Variants in MSANTD4 observed in about 807,000 individuals in gnomAD.
MSANTD4 encodes the protein Myb/SANT DNA binding domain containing 4 with coiled-coils.
A neutral mutation model predicts 34.3 loss-of-function variants in MSANTD4; 13 were observed. That is an observed-to-expected ratio of 0.38 (90% CI 0.25 to 0.60). The LOEUF (loss-of-function observed/expected upper bound fraction) is 0.60, where lower values mean the gene tolerates loss of function less well. MSANTD4 is among the 20% of genes least tolerant of loss of function. The pLI, the probability that MSANTD4 is intolerant of heterozygous loss-of-function variation, is 0.63. For missense variants in MSANTD4, 358 were observed against 401.8 expected (o/e 0.89, Z 0.93); for synonymous variants, 137 against 145.2 (o/e 0.94, Z 0.41).
At chr11:106,016,540 A>T (rs1406710235) in intron 1 of MSANTD4, among the ~76,000 whole-genome samples, 2 of 152,206 alleles carry the variant, frequency 1.3e-5, no homozygotes, top group Non-Finnish European at 2.9e-5. Flanking sequence ...AGGAGGAGGT[A>T]AAAATATGAA....
Position 106,009,878 on chromosome 11 carries a change from C to T in MSANTD4, c.695G>A (p.Arg232His), listed in dbSNP as rs751543630. ...CAGCCTCTCTTTCTCGATTTGTAGG[C>T]GTTCCTTTTCTACCTGCAGCCTTTC... ...EAERLQVEKE[R>H]LQIEKERLRH... is the part of the protein sequence containing the mutation. Residue 232 changes from arginine to histidine, a missense_variant, in exon 3 of 3, where the codon CGC (arginine) becomes CAC (histidine). Transcript: ENST00000301919. 22 of 1,613,450 alleles carry T rather than the reference C, an allele frequency of 1.4e-5. No individual in the cohort carries two copies. The highest frequency in any genetic ancestry group is 1.8e-5 in the Non-Finnish European group (21 of 1,179,916).
At chr11:106,013,607 TC>T (rs1167418837) in intron 1 of MSANTD4, among the ~76,000 whole-genome samples, 1 of 152,220 alleles carries the variant, frequency 6.6e-6, no homozygotes, top group Non-Finnish European at 1.5e-5. Flanking sequence ...ATGCCTGTAA[TC>T]CTAGCACTTT....
intron 1 of MSANTD4, among the ~76,000 whole-genome samples, chr11:106,018,263 G>A (rs1002993379): frequency 2.0e-5 from 3 of 152,094 alleles, no homozygotes; most frequent in Non-Finnish European, 2.9e-5. Flanking sequence ...GCTGTCATTA[G>A]AATACAATGT....
intron 1 of MSANTD4, among the ~76,000 whole-genome samples, chr11:106,012,024 T>C (rs942320037): frequency 6.6e-6 from 1 of 151,484 alleles, no homozygotes; most frequent in Non-Finnish European, 1.5e-5. Flanking sequence ...GAAAGTATTG[T>C]AGGAATATGA....
intron 1 of MSANTD4, among the ~76,000 whole-genome samples, chr11:106,011,469 C>T (rs1475652986): frequency 1.3e-5 from 2 of 152,166 alleles, no homozygotes; most frequent in African/African-American, 4.8e-5. Flanking sequence ...TATTTTATTC[C>T]TCCTCGGTCT....
rs1859614699 is a variant in MSANTD4, at chr11:106,009,307, ATAT to A, written c.*225_*227del. 1.7e-5 allele frequency: 8 copies of A among 460,208 alleles called. No individual in the cohort carries two copies. In the Admixed American group the frequency reaches 1.9e-4, roughly 11 times the overall value. 28.5% of individuals were successfully genotyped at this position (460,208 alleles called of 1,614,324 possible). On this transcript the variant is annotated 3_prime_UTR_variant, in exon 3 of 3. Transcript: ENST00000301919. ...CACAGACAATACAAGACTCTATGTA[ATAT>A]TATAAGGTAAAGAGTCCAGCACAGT...
chr11:106,020,354 TA>T (rs1309125486), intron 1 of MSANTD4, among the ~76,000 whole-genome samples: 2 of 152,214 alleles, frequency 1.3e-5, no homozygotes, highest in East Asian at 3.8e-4. Context: ...TATTATTTGC[TA>T]AAAATGAACT....
At chr11:106,015,404 T>A (rs1262490530) in intron 1 of MSANTD4, among the ~76,000 whole-genome samples, 7 of 152,262 alleles carry the variant, frequency 4.6e-5, no homozygotes. Flanking sequence ...CATTAAGCAC[T>A]ATTATGTATT....
rs544621604 is a variant in MSANTD4 at position 106,018,339 on chromosome 11, T to C, written c.-151+2623A>G. Among the ~76,000 whole-genome samples, 10 of 152,310 alleles carry C rather than the reference T, an allele frequency of 6.6e-5. No homozygotes were observed. The South Asian group carries it at 2.1e-3, about 32-fold the overall frequency. ...CATTTCAAGAACCCAATAGAACATG[T>C]ATTTAGTAGCTAATCTACTCAAAAG... is the stretch of plus-strand genomic sequence containing the variant. On this transcript the variant is annotated intron_variant, in intron 1 of 2. Coordinates refer to ENST00000301919, the MANE Select transcript of MSANTD4 (RefSeq NM_032424.3).
At chr11:106,017,267 T>G (rs546009890) in intron 1 of MSANTD4, among the ~76,000 whole-genome samples, 25 of 152,272 alleles carry the variant, frequency 1.6e-4, no homozygotes, top group South Asian at 6.2e-4. Context: ...CAGATCAACT[T>G]AGGAACATTC....
Position 106,021,386 on chromosome 11 carries a change from A to G in MSANTD4, c.-575T>C, listed in dbSNP as rs1860029496. Reference sequence around the variant, plus strand: ...ATCCTTGTGAAGATGATGTACTGCCAATGGCATAATATAACCAGGCAACTT... The same window carrying G: ...ATCCTTGTGAAGATGATGTACTGCCGATGGCATAATATAACCAGGCAACTT... On this transcript the variant is annotated 5_prime_UTR_variant, in exon 1 of 3. Transcript: ENST00000301919. 6.6e-6 allele frequency: 1 copy of G among 152,208 alleles called. No individual in the cohort carries two copies. The highest frequency in any genetic ancestry group is 2.4e-5 in the African/African-American group (1 of 41,456). 9.4% of individuals were successfully genotyped at this position (152,208 alleles called of 1,614,324 possible). A position where few individuals can be genotyped will look rare whatever the true frequency, so the allele number is the denominator to read the frequency against.
chr11:106,012,413 G>A (rs1488078649), intron 1 of MSANTD4, among the ~76,000 whole-genome samples: 2 of 152,102 alleles, frequency 1.3e-5, no homozygotes, highest in Admixed American at 6.5e-5. Flanking sequence ...GCAGTACTTT[G>A]TATTTTTCTG....
chr11:106,014,474 CT>C (rs913205897), intron 1 of MSANTD4, among the ~76,000 whole-genome samples: 13 of 152,270 alleles, frequency 8.5e-5, no homozygotes, highest in African/African-American at 3.1e-4. Flanking sequence ...CCAATTTAAA[CT>C]TTTCATTAGT....
At chr11:106,017,111 A>G (rs1308515960) in intron 1 of MSANTD4, among the ~76,000 whole-genome samples, 1 of 152,244 alleles carries the variant, frequency 6.6e-6, no homozygotes, top group East Asian at 1.9e-4. Flanking sequence ...TGAATAAACT[A>G]TTAAGTCACA....
chr11:106,020,498 C>T (rs1201326559), intron 1 of MSANTD4, among the ~76,000 whole-genome samples: 2 of 152,054 alleles, frequency 1.3e-5, no homozygotes, highest in African/African-American at 4.8e-5. Context: ...TTGAAGTTGT[C>T]GAGAGTCCAA....
intron 1 of MSANTD4, among the ~76,000 whole-genome samples, chr11:106,017,721 G>A (rs1859893264): frequency 6.6e-6 from 1 of 152,028 alleles, no homozygotes; most frequent in South Asian, 2.1e-4. Context: ...TATGTCTGTT[G>A]AAAATGTTAA....
chr11:106,017,493 A>AT (rs916545389), intron 1 of MSANTD4, among the ~76,000 whole-genome samples: 42 of 152,306 alleles, frequency 2.8e-4, no homozygotes, highest in African/African-American at 9.1e-4. Context: ...TTAAAGTCCC[A>AT]TTTTTTTAAA....
intron 1 of MSANTD4, 120 bp downstream of exon 1, chr11:106,020,842 C>T (rs2134965351): frequency 6.6e-6 from 1 of 152,202 alleles, no homozygotes; most frequent in East Asian, 1.9e-4. Flanking sequence ...CCTTAGATAC[C>T]CAGTCTTGGC....
rs143882802 is a variant in MSANTD4 at position 106,009,668 on chromosome 11, C to T, written c.905G>A (p.Arg302Gln). ...ATCCTTTTCCAGTTGCAAGCGTTCTCGCTCAAGTTTTAACTTCTCTGTTTC... is the reference window on the plus strand; with the variant it reads ...ATCCTTTTCCAGTTGCAAGCGTTCTTGCTCAAGTTTTAACTTCTCTGTTTC... ...DIETEKLKLE[R>Q]ERLQLEKDRL... The change falls in exon 3 of 3, where the codon CGA becomes CAA. Residue 302 changes from arginine to glutamine, a missense_variant. Physicochemically the swap from Arg to Gln is conservative, Grantham distance 43. Transcript: ENST00000301919. The T allele has an allele frequency of 2.0e-4, 326 of 1,614,086 alleles. 1 individual carries two copies. Among genetic ancestry groups the T allele is most frequent in the Non-Finnish European group, 2.3e-5 (27 of 1,180,050 alleles).
Sources: allele counts gnomAD v4.1 joint callset (sites outside exome capture counted in the v4.1 genomes callset), GRCh38; gene constraint gnomAD v4.1.1; transcripts MANE v1.5; gene names NCBI Gene and HGNC (gene_info 2026-07-23, HGNC 2026-07-21).